CSMD1: variants seen among roughly 807,000 people sequenced by gnomAD.
CSMD1 encodes CUB and sushi domain-containing protein 1.
Under a neutral mutation model 417.5 loss-of-function variants are expected in CSMD1, and 213 were observed. The observed-to-expected ratio is 0.51, with a 90% CI of 0.46 to 0.57. The LOEUF is 0.57. Ranked by LOEUF, CSMD1 falls within the 20% of genes least tolerant of loss-of-function variation. The probability of loss-of-function intolerance (pLI) is 0.00; values close to 1 mark genes in which losing one functional copy is unlikely to be tolerated. For missense variants in CSMD1, 6,923 were observed against 4,529.7 expected, an observed-to-expected ratio of 1.53 and a Z score of -15.17; for synonymous variants, 2,862 against 1,736.8, an observed-to-expected ratio of 1.65 and a Z score of -16.11.
intron 21 of CSMD1, 88 bp downstream of exon 21, chr8:3,359,064 C>T (rs1808984794): frequency 2.3e-6 from 3 of 1,302,878 alleles, no homozygotes; most frequent in Admixed American, 3.6e-5. Context: ...TCAACAAACC[C>T]CCACCCGACC....
At chr8:3,668,953 A>T (rs897787057) in intron 7 of CSMD1, among the ~76,000 whole-genome samples, 3 of 152,162 alleles carry the variant, frequency 2.0e-5, no homozygotes, top group Non-Finnish European at 4.4e-5. Context: ...AACAGGAAAG[A>T]TGGGGAGAAA....
At chr8:4,213,600 T>C (rs571274620) in intron 3 of CSMD1, among the ~76,000 whole-genome samples, 67 of 152,184 alleles carry the variant, frequency 4.4e-4, no homozygotes, top group Non-Finnish European at 8.1e-4. Flanking sequence ...AAAAATCAAA[T>C]GTCAGCTTTC....
intron 2 of CSMD1, among the ~76,000 whole-genome samples, chr8:4,491,819 T>C (rs979989314): frequency 6.6e-6 from 1 of 152,128 alleles, no homozygotes; most frequent in African/African-American, 2.4e-5. Flanking sequence ...GGCAGTTTCT[T>C]ACAAAGCTAA....
intron 6 of CSMD1, among the ~76,000 whole-genome samples, chr8:3,709,394 C>T (rs2129040276): frequency 6.6e-6 from 1 of 152,152 alleles, no homozygotes; most frequent in South Asian, 2.1e-4. Context: ...TGCCTCTGAG[C>T]CTGTGACTCT....
intron 31 of CSMD1, among the ~76,000 whole-genome samples, chr8:3,203,069 T>C (rs931761897): frequency 6.6e-6 from 1 of 152,124 alleles, no homozygotes. Context: ...AAGTGAATCA[T>C]CCACAGATAA....
chr8:3,149,874 C>G (rs937532653), intron 40 of CSMD1, among the ~76,000 whole-genome samples: 1 of 152,144 alleles, frequency 6.6e-6, no homozygotes, highest in African/African-American at 2.4e-5. Context: ...TGCAGTTTGC[C>G]TCAGATTTCT....
intron 5 of CSMD1, among the ~76,000 whole-genome samples, chr8:3,991,255 G>T (rs1432226477): frequency 6.6e-6 from 1 of 152,206 alleles, no homozygotes; most frequent in Non-Finnish European, 1.5e-5. Context: ...CCGTACAGTA[G>T]AATTAGCTGG....
chr8:3,672,657 C>G (rs1426958557), intron 7 of CSMD1, among the ~76,000 whole-genome samples: 1 of 152,102 alleles, frequency 6.6e-6, no homozygotes, highest in Admixed American at 6.6e-5. Flanking sequence ...TGACATGGTG[C>G]AGTGTCACTG....
intron 1 of CSMD1, among the ~76,000 whole-genome samples, chr8:4,732,747 G>C (rs1358620473): frequency 6.6e-6 from 1 of 152,140 alleles, no homozygotes; most frequent in Admixed American, 6.6e-5. Context: ...GCTTGATAAA[G>C]ACTAAGCAGG....
At chr8:4,535,419 T>C (rs958858792) in intron 2 of CSMD1, among the ~76,000 whole-genome samples, 2 of 152,162 alleles carry the variant, frequency 1.3e-5, no homozygotes, top group East Asian at 1.9e-4. Flanking sequence ...ATAGAATTCA[T>C]TTGCTTATCT....
intron 1 of CSMD1, among the ~76,000 whole-genome samples, chr8:4,727,360 A>G (rs527837563): frequency 1.1e-4 from 17 of 152,360 alleles, no homozygotes; most frequent in African/African-American, 4.1e-4. Context: ...AATGTTCACA[A>G]AAACACTAAT....
At chr8:4,574,089 C>A (rs937530015) in intron 2 of CSMD1, among the ~76,000 whole-genome samples, 5 of 152,078 alleles carry the variant, frequency 3.3e-5, no homozygotes, top group Admixed American at 2.6e-4. Flanking sequence ...TGAGCAAGAC[C>A]ACTTGGCTCC....
chr8:3,075,619 C>T (rs1224213651), intron 49 of CSMD1, among the ~76,000 whole-genome samples: 2 of 152,074 alleles, frequency 1.3e-5, no homozygotes, highest in African/African-American at 4.8e-5. Flanking sequence ...CAGCCTAATA[C>T]ATTTATAGAG....
intron 1 of CSMD1, among the ~76,000 whole-genome samples, chr8:4,810,212 T>A (rs1372427859): frequency 1.3e-5 from 2 of 152,242 alleles, no homozygotes; most frequent in East Asian, 3.8e-4. Flanking sequence ...CCATTCCCTG[T>A]CATGTATTAA....
At chr8:3,124,002 A>G (rs1459759109) in intron 41 of CSMD1, among the ~76,000 whole-genome samples, 2 of 152,204 alleles carry the variant, frequency 1.3e-5, no homozygotes, top group African/African-American at 4.8e-5. Context: ...ACCTCTATGA[A>G]AAACACCGAA....
At chr8:4,194,012 T>G (rs555004098) in intron 3 of CSMD1, among the ~76,000 whole-genome samples, 1 of 152,244 alleles carries the variant, frequency 6.6e-6, no homozygotes, top group Admixed American at 6.5e-5. Context: ...TTCATAATGT[T>G]TTTGATATTT....
chr8:4,236,599 G>A (rs1004509413), intron 3 of CSMD1, among the ~76,000 whole-genome samples: 10 of 152,138 alleles, frequency 6.6e-5, no homozygotes, highest in African/African-American at 2.4e-4. Flanking sequence ...ACAAATTTAA[G>A]CTTAGGTTCT....
intron 26 of CSMD1, among the ~76,000 whole-genome samples, chr8:3,275,913 CCTT>C (rs1393742022): frequency 3.3e-5 from 5 of 152,140 alleles, no homozygotes; most frequent in African/African-American, 7.2e-5. Flanking sequence ...TTGTCTGAAG[CCTT>C]CTTCTCTCAG....
intron 7 of CSMD1, among the ~76,000 whole-genome samples, chr8:3,680,108 A>C (rs1799574377): frequency 6.6e-6 from 1 of 152,186 alleles, no homozygotes; most frequent in African/African-American, 2.4e-5. Context: ...CGACACCATA[A>C]CATCACAATT....
Sources: allele counts gnomAD v4.1 joint callset (sites outside exome capture counted in the v4.1 genomes callset), GRCh38; gene constraint gnomAD v4.1.1; transcripts MANE v1.5; gene names NCBI Gene and HGNC (gene_info 2026-07-23, HGNC 2026-07-21).